TLE2: variants seen among roughly 807,000 people sequenced by gnomAD.
The protein encoded by TLE2 is TLE family member 2, transcriptional corepressor.
TLE2 carries 74 observed loss-of-function variants against 97.2 expected under a neutral mutation model. The ratio of observed to expected loss-of-function variants is 0.76; its 90% CI spans 0.63 to 0.92. The LOEUF (loss-of-function observed/expected upper bound fraction) is 0.92, where lower values mean the gene tolerates loss of function less well. TLE2 is among the 40% of genes least tolerant of loss of function. The probability of loss-of-function intolerance (pLI) is 0.00; values close to 1 mark genes in which losing one functional copy is unlikely to be tolerated. For missense variants in TLE2, 1,038 were observed against 1,008.7 expected, an observed-to-expected ratio of 1.03 and a Z score of -0.39; for synonymous variants, 499 against 432.1, an observed-to-expected ratio of 1.15 and a Z score of -1.92.
chr19:3,028,866 G>A lies in TLE2; in HGVS notation c.24+15C>T, dbSNP rs200536031. 6.2e-7 allele frequency: 1 copy of A among 1,611,654 alleles called. No individual in the cohort carries two copies. The highest frequency in any genetic ancestry group is 8.5e-7 in the Non-Finnish European group (1 of 1,179,788). On this transcript the variant is annotated intron_variant, in intron 1 of 19. Transcript: ENST00000262953. Reference sequence around the variant, plus strand: ...CCCGGACACTGGGGGCCCCCTCCCCGCAGTCCGCACTCACCGGGTGCCTTC... The same window carrying A: ...CCCGGACACTGGGGGCCCCCTCCCCACAGTCCGCACTCACCGGGTGCCTTC...
At position 3,006,526 on chromosome 19, in the gene TLE2, A is replaced by T; in HGVS notation, c.1394T>A (p.Ile465Asn). Residue 465 changes from isoleucine (I) to asparagine (N), a missense_variant, in exon 15 of 20, where the codon ATC becomes AAC. Physicochemically the swap from Ile to Asn is moderately radical, Grantham distance 149. Coordinates refer to ENST00000262953, the MANE Select transcript of TLE2 (RefSeq NM_003260.5). ...AHGEVVCAVT[I>N]SGSTQHVYTG... ...GTACACATGCTGTGTGGAGCCGCTG[A>T]TGGTGACCGCGCAGACCACCTCGCC... is the stretch of plus-strand genomic sequence containing the variant. The T allele has an allele frequency of 6.2e-7, 1 of 1,607,838 alleles. No individual in the cohort carries two copies. The highest frequency in any genetic ancestry group is 8.5e-7 in the Non-Finnish European group (1 of 1,178,088).
intron 4 of TLE2, 127 bp downstream of exon 4, chr19:3,027,702 G>T: frequency 1.1e-6 from 1 of 914,272 alleles, no homozygotes; most frequent in Non-Finnish European, 1.7e-6. Context: ...TGACCTCTGC[G>T]GAGATTTCAG....
intron 19 of TLE2, among the ~76,000 whole-genome samples, chr19:2,998,276 T>TGTGTGTGTGTGTGTGTGTG (rs1339449267): frequency 2.6e-5 from 2 of 76,018 alleles, no homozygotes; most frequent in African/African-American, 1.1e-4. Flanking sequence ...TGTGTGTGTG[T>TGTGTGTGTGTGTGTGTGTG]AATTTTTTTT....
Position 3,006,379 on chromosome 19 carries a change from C to G in TLE2, c.1500+41G>C, listed in dbSNP as rs774194002. 1.9e-6 allele frequency: 3 copies of G among 1,594,376 alleles called. No homozygotes were observed. The Admixed American group carries it at 5.1e-5, about 27-fold the overall frequency. On this transcript the variant is annotated intron_variant, in intron 15 of 19. Coordinates refer to ENST00000262953, the MANE Select transcript of TLE2 (RefSeq NM_003260.5). ...CCCCATTGGAACATAAGCCCCACCC[C>G]TCACCTGTGAGTCCCGCCCACTGTC...
chr19:3,017,380 T>C (rs1422798259), intron 8 of TLE2, among the ~76,000 whole-genome samples: 2 of 150,608 alleles, frequency 1.3e-5, no homozygotes, highest in Non-Finnish European at 3.0e-5. Flanking sequence ...TCAAGTGATC[T>C]GCCCACCTTG....
intron 10 of TLE2, 38 bp from the exon 11 acceptor site, chr19:3,013,856 G>C (rs990728583): frequency 1.4e-6 from 2 of 1,456,670 alleles, no homozygotes; most frequent in Non-Finnish European, 1.8e-6. Context: ...GAGTTGAAAT[G>C]AGAGGGAAAG....
intron 19 of TLE2, among the ~76,000 whole-genome samples, chr19:2,999,726 CAAAAA>C (rs199521660): frequency 8.9e-6 from 1 of 112,802 alleles, no homozygotes; most frequent in African/African-American, 3.9e-5. Flanking sequence ...GACTCCATCT[CAAAAA>C]AAAAAAAAGA....
Position 3,019,243 on chromosome 19 carries a change from CCGTCTCCCCAGCCA to C in TLE2, c.550+26_550+39del, listed in dbSNP as rs761196448. 1 of 1,549,470 alleles carries C rather than the reference CCGTCTCCCCAGCCA, an allele frequency of 6.5e-7. No individual in the cohort carries two copies. The highest frequency in any genetic ancestry group is 8.7e-7 in the Non-Finnish European group (1 of 1,155,216). ...GGACTGCCAGTCGTCCTCCCCAGCC[CCGTCTCCCCAGCCA>C]ATGCCACCCCGTGCTGCCCACTCAC... On this transcript the variant is annotated intron_variant, in intron 7 of 19. Coordinates refer to ENST00000262953, the MANE Select transcript of TLE2 (RefSeq NM_003260.5). The surrounding 1 kb of genome is among the most constrained non-coding windows in gnomAD (Gnocchi z 5.1).
intron 1 of TLE2, among the ~76,000 whole-genome samples, chr19:3,034,344 C>T (rs1320918865): frequency 6.6e-6 from 1 of 151,810 alleles, no homozygotes; most frequent in Non-Finnish European, 1.5e-5. Context: ...TCCCTCAAAC[C>T]CTCCCCTGGC....
chr19:3,039,225 CAAAAAAAAAA>C (rs1198237452), intron 1 of TLE2, among the ~76,000 whole-genome samples: 1 of 103,866 alleles, frequency 9.6e-6, no homozygotes, highest in African/African-American at 3.4e-5. Context: ...TTCCCCACTC[CAAAAAAAAAA>C]AAAAAAAAAG....
At chr19:3,037,239 C>T (rs1253409925) in intron 1 of TLE2, among the ~76,000 whole-genome samples, 3 of 152,112 alleles carry the variant, frequency 2.0e-5, no homozygotes, top group Admixed American at 6.5e-5. Flanking sequence ...GAGCCGAGTT[C>T]GCGCCACTGC....
At chr19:3,006,035 A>G in intron 15 of TLE2, 67 bp from the exon 16 acceptor site, 1 of 1,568,168 alleles carries the variant, frequency 6.4e-7, no homozygotes, top group Non-Finnish European at 8.8e-7. Flanking sequence ...AGCCTAGCTC[A>G]ACGTGGGGGT....
chr19:3,032,411 T>C (rs2145221584), upstream of TLE2, among the ~76,000 whole-genome samples: 1 of 152,184 alleles, frequency 6.6e-6, no homozygotes, highest in East Asian at 1.9e-4. This position sits in a 1 kb window ranked among gnomAD's most constrained non-coding sequence, Gnocchi z 4.1. Context: ...CTAATTTTTA[T>C]GTTTTTAGTA....
At chr19:3,032,841 G>C (rs1340206902), upstream of TLE2, among the ~76,000 whole-genome samples, 1 of 152,078 alleles carries the variant, frequency 6.6e-6, no homozygotes, top group Non-Finnish European at 1.5e-5. The surrounding 1 kb of genome is among the most constrained non-coding windows in gnomAD (Gnocchi z 4.1). Flanking sequence ...CACTGCTCCT[G>C]GGAGGCCAAC....
chr19:3,046,400 C>T (rs1384335866), upstream of TLE2, among the ~76,000 whole-genome samples: 1 of 152,206 alleles, frequency 6.6e-6, no homozygotes, highest in African/African-American at 2.4e-5. Context: ...AGCTCCTATT[C>T]CCCGCTCCTT....
intron 5 of TLE2, 47 bp downstream of exon 5, chr19:3,024,973 T>C (rs1221023985): frequency 1.3e-6 from 2 of 1,518,200 alleles, no homozygotes; most frequent in Admixed American, 2.0e-5. Flanking sequence ...CCTCCCGTCT[T>C]CTTCCGGCTC....
At chr19:3,011,597 C>A (rs1219912242) in intron 11 of TLE2, among the ~76,000 whole-genome samples, 1 of 151,674 alleles carries the variant, frequency 6.6e-6, no homozygotes, top group East Asian at 1.9e-4. Context: ...CGCCTGTAAT[C>A]CCACCACTTT....
chr19:3,025,042 A>C lies in TLE2; in HGVS notation c.272T>G (p.Ile91Ser). The change falls in exon 5 of 20, where the codon ATT becomes AGT. Residue 91 changes from isoleucine to serine, a missense_variant. Transcript: ENST00000262953. ...VKRLSGICAQIIPFLTQEHQQ... is the reference protein window; with the variant it reads ...VKRLSGICAQSIPFLTQEHQQ... ...CACCTCCTGGGTCAGGAAGGGGATA[A>C]TCTGAGCGCAGATACCGCTCAGACG... The C allele has an allele frequency of 6.2e-7, 1 of 1,604,760 alleles. No homozygotes were observed. Among genetic ancestry groups the C allele is most frequent in the Non-Finnish European group, 8.5e-7 (1 of 1,175,956 alleles).
chr19:3,004,713 T>C (rs1461216327), intron 17 of TLE2, among the ~76,000 whole-genome samples: 2 of 150,472 alleles, frequency 1.3e-5, no homozygotes, highest in Non-Finnish European at 2.9e-5. Flanking sequence ...GAGGGATGAA[T>C]AGGAGTTTGC....
Sources: gnomAD v4.1 joint callset for allele counts (sites outside exome capture counted in the v4.1 genomes callset) on GRCh38, gnomAD v4.1.1 for gene constraint, Gnocchi (gnomAD v3.1) non-coding constraint, MANE v1.5 for transcripts, NCBI Gene and HGNC (gene_info 2026-07-23, HGNC 2026-07-21) for gene names.